Variants in BLTP1 observed in about 807,000 individuals in gnomAD.
BLTP1 encodes the protein bridge-like lipid transfer protein family member 1, also known as fragile site-associated protein.
At chr4:122,334,089 A>T in the BLTP1 span, among the ~76,000 whole-genome samples, 1 of 152,094 alleles carries the variant, frequency 6.6e-6, no homozygotes, top group Non-Finnish European at 1.5e-5. Context: ...TTCATTAAAC[A>T]ACAGTTTTTT....
chr4:122,300,834 T>C, the BLTP1 span: 1 of 802,168 alleles, frequency 1.2e-6, no homozygotes, highest in South Asian at 5.7e-5. Flanking sequence ...CAGAATGTTT[T>C]CAAATCAATG....
the BLTP1 span, chr4:122,343,479 C>T: frequency 6.2e-7 from 1 of 1,614,064 alleles, no homozygotes; most frequent in Non-Finnish European, 8.5e-7. Context: ...CTGACCAGTT[C>T]CAGCAGTAGT....
At chr4:122,200,069 G>C in the BLTP1 span, 1 of 958,622 alleles carries the variant, frequency 1.0e-6, no homozygotes, top group Admixed American at 6.2e-5. Context: ...CATATAAGAT[G>C]GTGCCATAAG....
the BLTP1 span, chr4:122,255,106 A>G: frequency 6.3e-7 from 1 of 1,587,972 alleles, no homozygotes; most frequent in Non-Finnish European, 8.6e-7. Flanking sequence ...ATCACTCTAA[A>G]TCTATTGTTG....
the BLTP1 span, chr4:122,301,251 T>C: frequency 6.8e-7 from 1 of 1,469,566 alleles, no homozygotes; most frequent in South Asian, 1.4e-5. Context: ...AAAATAGTTA[T>C]TTTTTTTCTT....
At chr4:122,254,726 A>G in the BLTP1 span, 1 of 1,324,592 alleles carries the variant, frequency 7.5e-7, no homozygotes, top group Non-Finnish European at 9.8e-7. Context: ...AACAACCACT[A>G]AGTACAGTAG....
the BLTP1 span, chr4:122,339,521 T>C: frequency 2.7e-6 from 2 of 733,870 alleles, no homozygotes; most frequent in East Asian, 3.1e-5. Context: ...AGGGGAATAT[T>C]TGAGGATTAT....
chr4:122,271,495 A>G, the BLTP1 span: 1 of 1,613,600 alleles, frequency 6.2e-7, no homozygotes, highest in Non-Finnish European at 8.5e-7. Flanking sequence ...ACAAGAATTC[A>G]TTAGGAAGAT....
the BLTP1 span, chr4:122,264,355 C>T: frequency 2.5e-6 from 4 of 1,611,450 alleles, no homozygotes; most frequent in Non-Finnish European, 3.4e-6. Flanking sequence ...AGCATAGCAC[C>T]AGTCAGGATG....
chr4:122,221,514 T>C, the BLTP1 span, among the ~76,000 whole-genome samples: 2 of 152,294 alleles, frequency 1.3e-5, no homozygotes, highest in East Asian at 3.9e-4. Context: ...ATAATTATAG[T>C]ATCAAAACAA....
At chr4:122,191,059 A>G in the BLTP1 span, among the ~76,000 whole-genome samples, 3 of 152,188 alleles carry the variant, frequency 2.0e-5, no homozygotes, top group Admixed American at 2.0e-4. Context: ...CATTTACGGT[A>G]AAACAAAATG....
the BLTP1 span, among the ~76,000 whole-genome samples, chr4:122,343,011 A>T: frequency 6.6e-6 from 1 of 152,096 alleles, no homozygotes; most frequent in Non-Finnish European, 1.5e-5. Flanking sequence ...CACTGCACCT[A>T]CTGAAATGTG....
chr4:122,289,713 C>A, the BLTP1 span: 1 of 946,414 alleles, frequency 1.1e-6, no homozygotes, highest in Non-Finnish European at 1.3e-6. Flanking sequence ...GTTCTTAATG[C>A]TGAGTATTTT....
the BLTP1 span, chr4:122,290,864 T>C: frequency 5.5e-3 from 825 of 149,350 alleles, 3 homozygotes; most frequent in African/African-American, 0.02. Flanking sequence ...ATTATATATA[T>C]TATATAACAT....
chr4:122,361,952 A>G, the BLTP1 span: 1 of 1,511,690 alleles, frequency 6.6e-7, no homozygotes. Flanking sequence ...ATAGAGGCTT[A>G]GTGATGTTCT....
chr4:122,254,570 C>A, the BLTP1 span: 1 of 944,288 alleles, frequency 1.1e-6, no homozygotes, highest in Non-Finnish European at 1.3e-6. Context: ...TGTTCCTCTG[C>A]CTTAGACTTT....
the BLTP1 span, chr4:122,208,211 A>T: frequency 1.4e-6 from 1 of 714,814 alleles, no homozygotes. Context: ...TGCTTTATGT[A>T]GTAACTCAAT....
At chr4:122,188,210 A>G in the BLTP1 span, 1 of 1,151,222 alleles carries the variant, frequency 8.7e-7, no homozygotes, top group Non-Finnish European at 1.1e-6. Context: ...ATATTTCTCT[A>G]TTAAAGCAGT....
At chr4:122,170,225 G>C in the BLTP1 span, 1 of 415,894 alleles carries the variant, frequency 2.4e-6, no homozygotes, top group Non-Finnish European at 3.2e-6. Context: ...AGAATCGCTT[G>C]AAACTGGGAG....
Sources: allele counts gnomAD v4.1 joint callset (sites outside exome capture counted in the v4.1 genomes callset), GRCh38; gene constraint gnomAD v4.1.1; transcripts MANE v1.5; gene names NCBI Gene and HGNC (gene_info 2026-07-23, HGNC 2026-07-21).